Variants in KCTD16 observed in about 807,000 individuals in gnomAD.
KCTD16 encodes potassium channel tetramerization domain containing 16, also known as BTB/POZ domain-containing protein KCTD16.
In KCTD16, 13 loss-of-function variants were observed where a neutral mutation model predicts 33.2. That is an observed-to-expected ratio of 0.39 (90% CI 0.25 to 0.62). The LOEUF (loss-of-function observed/expected upper bound fraction) is 0.62, where lower values mean the gene tolerates loss of function less well. KCTD16 is among the 20% of genes least tolerant of loss of function. The pLI, the probability that KCTD16 is intolerant of heterozygous loss-of-function variation, is 0.50. For missense variants in KCTD16, 441 were observed against 525.1 expected (o/e 0.84, Z 1.57); for synonymous variants, 197 against 195.3 (o/e 1.01, Z -0.07).
chr5:144,171,859 A>G (rs1752392000), intron 1 of KCTD16, among the ~76,000 whole-genome samples: 1 of 152,196 alleles, frequency 6.6e-6, no homozygotes, highest in Non-Finnish European at 1.5e-5. Flanking sequence ...TTCTTTTGAA[A>G]ATGATTGCTT....
At position 144,485,325 on chromosome 5, in the gene KCTD16, C is replaced by A. The variant is rs1009464420; in HGVS notation, c.*11211C>A. ...ATATATACATACATATCTATGTATG[C>A]AATATCTACACTGCGAATTACTACC... On this transcript the variant is annotated 3_prime_UTR_variant, in exon 4 of 4. Coordinates refer to ENST00000512467, the MANE Select transcript of KCTD16 (RefSeq NM_020768.4). 1 of 151,882 alleles carries A rather than the reference C, an allele frequency of 6.6e-6. No homozygotes were observed. The highest frequency in any genetic ancestry group is 2.4e-5 in the African/African-American group (1 of 41,402). 9.4% of individuals were successfully genotyped at this position (151,882 alleles called of 1,614,324 possible).
intron 2 of KCTD16, among the ~76,000 whole-genome samples, chr5:144,186,367 A>AG (rs1199345807): frequency 2.6e-5 from 4 of 151,632 alleles, no homozygotes; most frequent in Admixed American, 1.3e-4. Flanking sequence ...AAAAAAAGAA[A>AG]AAAAAAAAAA....
chr5:144,261,981 A>G (rs1755023709), intron 3 of KCTD16, among the ~76,000 whole-genome samples: 1 of 152,154 alleles, frequency 6.6e-6, no homozygotes, highest in Non-Finnish European at 1.5e-5. Context: ...TATTTACTGA[A>G]TACTTCATTT....
In KCTD16 at chr5:144,301,542, G is replaced by A. The variant is rs145157069; in HGVS notation, c.832+93996G>A. On this transcript the variant is annotated intron_variant, in intron 3 of 3. Transcript: ENST00000512467. ...GCTTATATCTTTCTTTGTTTCTAGC[G>A]AAATTCTATGTATATAGTAGGTGCT... is the stretch of plus-strand genomic sequence containing the variant. Among the ~76,000 whole-genome samples, 569 of 152,226 alleles carry A rather than the reference G, an allele frequency of 3.7e-3. 3 individuals are homozygous for A. Among genetic ancestry groups the A allele is most frequent in the African/African-American group, 0.013 (539 of 41,538 alleles).
intron 3 of KCTD16, among the ~76,000 whole-genome samples, chr5:144,230,282 T>G (rs145965561): frequency 1.9e-4 from 29 of 152,328 alleles, no homozygotes; most frequent in African/African-American, 7.0e-4. Flanking sequence ...TAAAAGTGTT[T>G]GAGTAATTAT....
intron 2 of KCTD16, among the ~76,000 whole-genome samples, chr5:144,190,781 A>G (rs1356178675): frequency 6.6e-6 from 1 of 152,058 alleles, no homozygotes; most frequent in Non-Finnish European, 1.5e-5. Context: ...TTATTCATTT[A>G]TTGTCTAGAA....
At chr5:144,214,175 T>C (rs1028691916) in intron 3 of KCTD16, among the ~76,000 whole-genome samples, 2 of 152,136 alleles carry the variant, frequency 1.3e-5, no homozygotes, top group Non-Finnish European at 2.9e-5. Context: ...TCTCCCCACT[T>C]TCTCCAATCT....
rs1751476087 is a variant in KCTD16, at chr5:144,352,813, G to T, written c.833-120847G>T. ...TTATGAAAACAAATGATCTGAGTTG[G>T]CACTAATGGGTTTTGAGACTCATTT... On this transcript the variant is annotated intron_variant, in intron 3 of 3. Coordinates refer to ENST00000512467, the MANE Select transcript of KCTD16 (RefSeq NM_020768.4). Among the ~76,000 whole-genome samples, 7 of 152,236 alleles carry T rather than the reference G, an allele frequency of 4.6e-5. No individual in the cohort carries two copies. In the South Asian group the frequency reaches 1.5e-3, roughly 32 times the overall value.
intron 3 of KCTD16, among the ~76,000 whole-genome samples, chr5:144,467,085 TTATA>T (rs572959149): frequency 1.5e-5 from 2 of 131,910 alleles, no homozygotes; most frequent in African/African-American, 5.5e-5. Flanking sequence ...ATATATAGTG[TTATA>T]TATATTATAT....
chr5:144,389,283 A>G (rs1379101136), intron 3 of KCTD16, among the ~76,000 whole-genome samples: 1 of 152,156 alleles, frequency 6.6e-6, no homozygotes, highest in Admixed American at 6.5e-5. Context: ...CAGGAGGTGA[A>G]TGGCAGATTA....
At chr5:144,197,002 T>C (rs1752951604) in intron 2 of KCTD16, among the ~76,000 whole-genome samples, 1 of 152,228 alleles carries the variant, frequency 6.6e-6, no homozygotes, top group African/African-American at 2.4e-5. Flanking sequence ...CTTTGGCCCT[T>C]TAAATCTTGT....
intron 3 of KCTD16, among the ~76,000 whole-genome samples, chr5:144,440,300 A>G (rs1753675157): frequency 6.6e-6 from 1 of 152,170 alleles, no homozygotes; most frequent in South Asian, 2.1e-4. Context: ...GCATGATACA[A>G]TTCACTATGC....
intron 3 of KCTD16, among the ~76,000 whole-genome samples, chr5:144,217,440 C>G (rs1013276581): frequency 1.3e-5 from 2 of 152,104 alleles, no homozygotes; most frequent in African/African-American, 2.4e-5. Context: ...AAAAGTATAT[C>G]TTAGAAAATG....
intron 3 of KCTD16, among the ~76,000 whole-genome samples, chr5:144,465,673 C>T (rs910244515): frequency 6.6e-6 from 1 of 151,976 alleles, no homozygotes; most frequent in Admixed American, 6.6e-5. Context: ...CATTCCCTTC[C>T]AAGTAGTTTA....
chr5:144,183,391 T>C (rs1168847358), intron 2 of KCTD16, among the ~76,000 whole-genome samples: 1 of 152,240 alleles, frequency 6.6e-6, no homozygotes, highest in Non-Finnish European at 1.5e-5. Context: ...TGCTGTTTGC[T>C]TATTTTTTTA....
intron 3 of KCTD16, among the ~76,000 whole-genome samples, chr5:144,325,598 C>T (rs1443369641): frequency 6.6e-6 from 1 of 152,012 alleles, no homozygotes; most frequent in African/African-American, 2.4e-5. Context: ...TCCCTCTTTT[C>T]TTATTCTCTA....
Position 144,485,236 on chromosome 5 carries a change from G to A in KCTD16, c.*11122G>A, listed in dbSNP as rs1044345948. The A allele has an allele frequency of 6.6e-6, 1 of 151,776 alleles. No individual in the cohort carries two copies. Among genetic ancestry groups the A allele is most frequent in the African/African-American group, 2.4e-5 (1 of 41,386 alleles). 9.4% of individuals were successfully genotyped at this position (151,776 alleles called of 1,614,324 possible). On this transcript the variant is annotated 3_prime_UTR_variant, in exon 4 of 4. Coordinates refer to ENST00000512467, the MANE Select transcript of KCTD16 (RefSeq NM_020768.4). ...TCCCAATGGAATTGCACATCATTTT[G>A]GCAATCATTGGTTCACTCAGAAGGC...
At chr5:144,171,775 A>G (rs1351159332) in intron 1 of KCTD16, among the ~76,000 whole-genome samples, 2 of 152,238 alleles carry the variant, frequency 1.3e-5, no homozygotes, top group Non-Finnish European at 1.5e-5. Flanking sequence ...GGGCCAGGAA[A>G]TATCCTGTGG....
intron 3 of KCTD16, among the ~76,000 whole-genome samples, chr5:144,251,692 C>G (rs1219614874): frequency 6.6e-6 from 1 of 152,094 alleles, no homozygotes; most frequent in Non-Finnish European, 1.5e-5. Flanking sequence ...TGGAGGTAAC[C>G]GTAAGAATTT....
Sources: gnomAD v4.1 joint callset for allele counts (sites outside exome capture counted in the v4.1 genomes callset) on GRCh38, gnomAD v4.1.1 for gene constraint, MANE v1.5 for transcripts, NCBI Gene and HGNC (gene_info 2026-07-23, HGNC 2026-07-21) for gene names.